Variants in KLK2 observed in about 807,000 individuals in gnomAD.
The protein encoded by KLK2 is kallikrein related peptidase 2.
Under a neutral mutation model 23.0 loss-of-function variants are expected in KLK2, and 17 were observed. The ratio of observed to expected loss-of-function variants is 0.74; its 90% CI spans 0.51 to 1.11. The LOEUF is 1.11. KLK2 is among the 50% of genes least tolerant of loss of function. The probability of loss-of-function intolerance (pLI) is 0.00; values close to 1 mark genes in which losing one functional copy is unlikely to be tolerated. For synonymous variants in KLK2, 140 were observed against 124.7 expected (o/e 1.12, Z -0.82); for missense variants, 330 against 325.9 (o/e 1.01, Z -0.10).
chr19:50,878,851 C>T lies in KLK2; in HGVS notation c.*292C>T. 1 of 337,826 alleles carries T rather than the reference C, an allele frequency of 3.0e-6. No homozygotes were observed. Among genetic ancestry groups the T allele is most frequent in the South Asian group, 6.7e-5 (1 of 14,918 alleles). The allele number at this position is 337,826 out of a possible 1,614,324, so 20.9% of individuals were successfully genotyped here. ...CTCGCTCAGTTTCAGTGAGGACACA[C>T]ACAAAGACGTGGGTGACCATGTTGT... On this transcript the variant is annotated 3_prime_UTR_variant, in exon 5 of 5. Transcript: ENST00000325321.
At position 50,878,765 on chromosome 19, in the gene KLK2, G is replaced by A; in HGVS notation, c.*206G>A. The A allele has an allele frequency of 2.1e-6, 1 of 484,938 alleles. No individual in the cohort carries two copies. Among genetic ancestry groups the A allele is most frequent in the Middle Eastern group, 3.1e-4 (1 of 3,276 alleles). 30.0% of individuals were successfully genotyped at this position (484,938 alleles called of 1,614,324 possible). A position where few individuals can be genotyped will look rare whatever the true frequency, so the allele number is the denominator to read the frequency against. Reference sequence around the variant, plus strand: ...TGGGCAGACACAGGTGTATGCCAATGTTTCTGAAATGGGTATAATTTCGTC... The same window carrying A: ...TGGGCAGACACAGGTGTATGCCAATATTTCTGAAATGGGTATAATTTCGTC... On this transcript the variant is annotated 3_prime_UTR_variant, in exon 5 of 5. Transcript: ENST00000325321.
rs745505054 is a variant in KLK2, at chr19:50,874,894, T to A, written c.206+14T>A. ...TTGCCTAAAGAAGTAAGTAGGACCCTGGGATCTGGGGAGGGAATGGCTGTG... is the reference window on the plus strand; with the variant it reads ...TTGCCTAAAGAAGTAAGTAGGACCCAGGGATCTGGGGAGGGAATGGCTGTG... On this transcript the variant is annotated intron_variant, in intron 2 of 4. Coordinates refer to ENST00000325321, the MANE Select transcript of KLK2 (RefSeq NM_005551.5). 17 of 1,611,038 alleles carry A rather than the reference T, an allele frequency of 1.1e-5. No homozygotes were observed. Among genetic ancestry groups the A allele is most frequent in the Admixed American group, 6.7e-5 (4 of 59,688 alleles).
chr19:50,879,678 C>T lies in KLK2; in HGVS notation c.*1119C>T, dbSNP rs977033944. The T allele has an allele frequency of 1.3e-5, 3 of 230,120 alleles. No individual in the cohort carries two copies. Among genetic ancestry groups the T allele is most frequent in the African/African-American group, 6.6e-5 (3 of 45,152 alleles). 14.3% of individuals were successfully genotyped at this position (230,120 alleles called of 1,614,324 possible). ...CTGAAGTCCTCAGACCTGAGGTTCCCTAGAGTTCAAACAGATACAGCATGG... is the reference window on the plus strand; with the variant it reads ...CTGAAGTCCTCAGACCTGAGGTTCCTTAGAGTTCAAACAGATACAGCATGG... On this transcript the variant is annotated 3_prime_UTR_variant, in exon 5 of 5. Coordinates refer to ENST00000325321, the MANE Select transcript of KLK2 (RefSeq NM_005551.5).
At chr19:50,877,163 C>CCTTCCCT in intron 4 of KLK2, 155 bp downstream of exon 4, 1 of 852,584 alleles carries the variant, frequency 1.2e-6, no homozygotes, top group Non-Finnish European at 1.9e-6. Flanking sequence ...CCTCCTTCCC[C>CCTTCCCT]CTTCCCTGAC....
intron 4 of KLK2, 127 bp from the exon 5 acceptor site, chr19:50,878,277 T>G: frequency 1.1e-6 from 1 of 903,174 alleles, no homozygotes; most frequent in Non-Finnish European, 1.7e-6. Context: ...CTGGAGACAT[T>G]TCTGTCTGTT....
At chr19:50,873,856 C>T (rs535876643) in intron 1 of KLK2, 12 of 326,640 alleles carry the variant, frequency 3.7e-5, no homozygotes, top group African/African-American at 2.0e-4. Context: ...GACCCTATCA[C>T]TGGGCTGCCT....
chr19:50,880,421 G>A lies in KLK2; in HGVS notation c.*1862G>A, dbSNP rs2090332389. 2 of 221,058 alleles carry A rather than the reference G, an allele frequency of 9.0e-6. No homozygotes were observed. The highest frequency in any genetic ancestry group is 1.8e-5 in the Non-Finnish European group (2 of 110,502). The allele number at this position is 221,058 out of a possible 1,614,324, so 13.7% of individuals were successfully genotyped here. A position where few individuals can be genotyped will look rare whatever the true frequency, so the allele number is the denominator to read the frequency against. ...AAACTCATTAGGCTGAGAACCTTGT[G>A]GAATGCAGCTGACCCAGCTGATAGA... is the stretch of plus-strand genomic sequence containing the variant. On this transcript the variant is annotated 3_prime_UTR_variant, in exon 5 of 5. Transcript: ENST00000325321.
Position 50,878,550 on chromosome 19 carries a change from C to G in KLK2, c.777C>G (p.Ala259=). The G allele has an allele frequency of 6.2e-7, 1 of 1,613,364 alleles. No individual in the cohort carries two copies. The highest frequency in any genetic ancestry group is 1.1e-5 in the South Asian group (1 of 91,022). Residue 259 remains alanine, a synonymous_variant, in exon 5 of 5, where the codon GCC becomes GCG. Coordinates refer to ENST00000325321, the MANE Select transcript of KLK2 (RefSeq NM_005551.5). The part of the protein sequence containing the change: ...YRKWIKDTIA[A]NP The stretch of plus-strand genomic sequence containing the variant: ...AGTGGATCAAGGACACCATCGCAGC[C>G]AACCCCTGAGTGCCCCTGTCCCACC...
At chr19:50,873,694 C>A in intron 1 of KLK2, 175 bp downstream of exon 1, 1 of 566,284 alleles carries the variant, frequency 1.8e-6, no homozygotes, top group South Asian at 2.2e-5. Context: ...TCCCCGCTCC[C>A]TCCCACTTAC....
At chr19:50,877,484 C>A in intron 4 of KLK2, 1 of 179,024 alleles carries the variant, frequency 5.6e-6, no homozygotes, top group Non-Finnish European at 1.2e-5. Flanking sequence ...ACACCCGCTG[C>A]AGGGGAGGGG....
chr19:50,877,152 C>T (rs1290565654), intron 4 of KLK2, 144 bp downstream of exon 4: 22 of 940,064 alleles, frequency 2.3e-5, no homozygotes, highest in Non-Finnish European at 3.6e-5. Flanking sequence ...TCATCTGCCG[C>T]CCTCCTTCCC....
At position 50,878,562 on chromosome 19, in the gene KLK2, GC is replaced by G. The variant is rs758762283; in HGVS notation, c.*7del. ...ACACCATCGCAGCCAACCCCTGAGT[GC>G]CCCTGTCCCACCCCTACCTCTAGTA... is the stretch of plus-strand genomic sequence containing the variant. On this transcript the variant is annotated 3_prime_UTR_variant, in exon 5 of 5. Coordinates refer to ENST00000325321, the MANE Select transcript of KLK2 (RefSeq NM_005551.5). The G allele has an allele frequency of 1.2e-6, 2 of 1,611,288 alleles. No individual in the cohort carries two copies. Among genetic ancestry groups the G allele is most frequent in the South Asian group, 1.1e-5 (1 of 90,872 alleles).
At chr19:50,875,546 C>G (rs2090274037) in intron 2 of KLK2, 2 of 152,436 alleles carry the variant, frequency 1.3e-5, no homozygotes, top group Admixed American at 1.3e-4. Flanking sequence ...CGCCTGTAAT[C>G]CCAGCACTTT....
chr19:50,874,462 T>G, intron 1 of KLK2: 1 of 344,868 alleles, frequency 2.9e-6, no homozygotes, highest in Non-Finnish European at 5.2e-6. Flanking sequence ...CTGCTTCAGA[T>G]GTTTCCCATG....
chr19:50,874,708 AC>A lies in KLK2; in HGVS notation c.47-8del. 6.2e-7 allele frequency: 1 copy of A among 1,600,940 alleles called. No homozygotes were observed. The highest frequency in any genetic ancestry group is 8.5e-7 in the Non-Finnish European group (1 of 1,174,254). Reference sequence around the variant, plus strand: ...TTGGGTCTGATCCCCCTGACCCAGCACCCCCTCCGCAGGTGCCGTGCCCCTC... The same window carrying A: ...TTGGGTCTGATCCCCCTGACCCAGCACCCCTCCGCAGGTGCCGTGCCCCTC... On this transcript the variant is annotated splice_polypyrimidine_tract_variant and intron_variant, in intron 1 of 4. Transcript: ENST00000325321.
rs201608907 is a variant in KLK2, at chr19:50,876,428, C to T, written c.207-44C>T. 8.3e-4 allele frequency: 1,321 copies of T among 1,588,390 alleles called. 1 individual carries two copies. The highest frequency in any genetic ancestry group is 1.1e-3 in the Non-Finnish European group (1,254 of 1,159,324). The stretch of plus-strand genomic sequence containing the variant: ...ATCCTCCCCTGCCCCATCTACCTTT[C>T]CCCATTTTCTCTCTCCTCATGCATC... On this transcript the variant is annotated intron_variant, in intron 2 of 4. Coordinates refer to ENST00000325321, the MANE Select transcript of KLK2 (RefSeq NM_005551.5).
intron 2 of KLK2, chr19:50,875,166 C>G (rs180700706): frequency 9.1e-4 from 270 of 295,680 alleles, no homozygotes; most frequent in African/African-American, 5.4e-3. Context: ...TTTCTGTCTC[C>G]CTGTGTCTGT....
Position 50,874,825 on chromosome 19 carries a change from G to A in KLK2, c.151G>A (p.Gly51Arg), listed in dbSNP as rs2090265887. The A allele has an allele frequency of 6.2e-7, 1 of 1,613,748 alleles. No individual in the cohort carries two copies. The highest frequency in any genetic ancestry group is 8.5e-7 in the Non-Finnish European group (1 of 1,179,894). Residue 51 changes from glycine to arginine, a missense_variant, in exon 2 of 5, where the codon GGG (glycine) becomes AGG (arginine). Transcript: ENST00000325321. Reference protein sequence around the residue: ...AVYSHGWAHCGGVLVHPQWVL... With the variant: ...AVYSHGWAHCRGVLVHPQWVL... Reference sequence around the variant, plus strand: ...GTACAGTCATGGATGGGCACACTGTGGGGGTGTCCTGGTGCACCCCCAGTG... The same window carrying A: ...GTACAGTCATGGATGGGCACACTGTAGGGGTGTCCTGGTGCACCCCCAGTG...
rs777842017 is a variant in KLK2 at position 50,876,724 on chromosome 19, C to T, written c.459C>T (p.Tyr153=). 3.7e-5 allele frequency: 60 copies of T among 1,614,074 alleles called. No homozygotes were observed. The highest frequency in any genetic ancestry group is 9.9e-5 in the South Asian group (9 of 91,094). Residue 153 remains tyrosine (Y), a synonymous_variant, in exon 3 of 5, where the codon TAC becomes TAT. Coordinates refer to ENST00000325321, the MANE Select transcript of KLK2 (RefSeq NM_005551.5). ...TQEPALGTTC[Y]ASGWGSIEPE... ...AGCCAGCACTGGGGACCACCTGCTA[C>T]GCCTCAGGCTGGGGCAGCATCGAAC... is the stretch of plus-strand genomic sequence containing the variant.
Sources: allele counts gnomAD v4.1 joint callset, GRCh38; gene constraint gnomAD v4.1.1; transcripts MANE v1.5; gene names NCBI Gene and HGNC (gene_info 2026-07-23, HGNC 2026-07-21).